Variants in TSC2 observed in about 807,000 individuals in gnomAD.
The protein encoded by TSC2 is tuberin.
TSC2 carries 29 observed loss-of-function variants against 202.2 expected under a neutral mutation model. That is an observed-to-expected ratio of 0.14 (90% CI 0.11 to 0.20). The LOEUF (loss-of-function observed/expected upper bound fraction) is 0.20. TSC2 is among the 10% of genes least tolerant of loss of function. The pLI is 1.00. For missense variants in TSC2, 2,429 were observed against 2,420.0 expected (o/e 1.00, Z -0.08); for synonymous variants, 1,349 against 1,044.0 (o/e 1.29, Z -5.63).
chr16:2,086,718 C>T lies in TSC2; in HGVS notation c.4850-14C>T, dbSNP rs397515189. 1 of 1,609,024 alleles carries T rather than the reference C, an allele frequency of 6.2e-7. No individual in the cohort carries two copies. Among genetic ancestry groups the T allele is most frequent in the Non-Finnish European group, 8.5e-7 (1 of 1,179,922 alleles). ...ACTGGCCCCACAAACCCATCCGGCC[C>T]TGCTCACCCTCAGCCGTCTTCCACA... is the stretch of plus-strand genomic sequence containing the variant. On this transcript the variant is annotated splice_polypyrimidine_tract_variant and intron_variant, in intron 37 of 41. Coordinates refer to ENST00000219476, the MANE Select transcript of TSC2 (RefSeq NM_000548.5).
chr16:2,048,819 G>C, intron 2 of TSC2, 66 bp downstream of exon 2: 1 of 1,610,136 alleles, frequency 6.2e-7, no homozygotes, highest in East Asian at 2.2e-5. Flanking sequence ...GTTTGGTCTT[G>C]CACCAGGTTC....
chr16:2,054,726 T>C, intron 5 of TSC2: 1 of 511,120 alleles, frequency 2.0e-6, no homozygotes, highest in Non-Finnish European at 3.6e-6. Context: ...GCGAGTTCTG[T>C]CACTGGGAGG....
chr16:2,070,861 C>G (rs535153488), intron 17 of TSC2, among the ~76,000 whole-genome samples: 3 of 152,194 alleles, frequency 2.0e-5, no homozygotes, highest in African/African-American at 7.2e-5. Context: ...ATGGCCCTGA[C>G]GCTCCTGGTG....
At chr16:2,048,143 G>A in intron 1 of TSC2, 78 bp downstream of exon 1, 2 of 1,526,290 alleles carry the variant, frequency 1.3e-6, no homozygotes, top group Non-Finnish European at 1.8e-6. Context: ...GCAGTGTCCG[G>A]GTCCCGGGCC....
chr16:2,053,532 C>A, intron 4 of TSC2, 80 bp downstream of exon 4: 2 of 1,395,500 alleles, frequency 1.4e-6, no homozygotes, highest in South Asian at 1.2e-5. Flanking sequence ...CGTGTTTGGA[C>A]TCCTGCCTCG....
chr16:2,085,153 C>G lies in TSC2; in HGVS notation c.4570-77C>G, dbSNP rs1484507233. On this transcript the variant is annotated intron_variant, in intron 35 of 41. Coordinates refer to ENST00000219476, the MANE Select transcript of TSC2 (RefSeq NM_000548.5). ...TCTGGCCTAAGCTCCCTGTGGCAGC[C>G]TGCCGTGACCGGCCTGGGTGGGGCG... 9 of 1,605,786 alleles carry G rather than the reference C, an allele frequency of 5.6e-6. No individual in the cohort carries two copies. In the East Asian group the frequency reaches 2.0e-4, roughly 36 times the overall value.
chr16:2,053,900 G>A (rs2085439884), intron 4 of TSC2: 1 of 448,660 alleles, frequency 2.2e-6, no homozygotes, highest in African/African-American at 2.0e-5. Flanking sequence ...ACTCCTTCAT[G>A]TCCCAGCTGC....
At chr16:2,076,710 A>G in intron 25 of TSC2, 125 bp downstream of exon 25, 1 of 995,996 alleles carries the variant, frequency 1.0e-6, no homozygotes, top group South Asian at 1.4e-5. Context: ...GGAGTATGTG[A>G]GGCAGGGCAG....
At chr16:2,063,932 G>A (rs1567436003) in intron 14 of TSC2, 2 of 422,196 alleles carry the variant, frequency 4.7e-6, no homozygotes, top group East Asian at 5.0e-5. Context: ...ACACCCTCAC[G>A]CACACACGCA....
intron 17 of TSC2, among the ~76,000 whole-genome samples, chr16:2,071,201 TGGG>T (rs1020586162): frequency 3.9e-5 from 6 of 152,276 alleles, no homozygotes; most frequent in South Asian, 4.1e-4. Flanking sequence ...TTCTGGCAGT[TGGG>T]GGCGTGTGGT....
At chr16:2,080,737 G>A (rs957257979) in intron 30 of TSC2, 6 of 278,246 alleles carry the variant, frequency 2.2e-5, no homozygotes, top group East Asian at 8.9e-5. Flanking sequence ...GCCCGCCTTG[G>A]CCTCCCAAAG....
At chr16:2,068,354 T>C (rs2087696517) in intron 16 of TSC2, among the ~76,000 whole-genome samples, 1 of 152,176 alleles carries the variant, frequency 6.6e-6, no homozygotes, top group African/African-American at 2.4e-5. Flanking sequence ...TTCATTTCTT[T>C]TGTTATAATT....
At chr16:2,065,487 C>G (rs781082592) in intron 15 of TSC2, 32 bp from the exon 16 acceptor site, 3 of 1,567,870 alleles carry the variant, frequency 1.9e-6, no homozygotes, top group Admixed American at 3.3e-5. Context: ...GAACCATGAG[C>G]CTGTGTGTAA....
intron 36 of TSC2, among the ~76,000 whole-genome samples, chr16:2,085,641 G>A (rs574188646): frequency 6.6e-6 from 1 of 152,300 alleles, no homozygotes; most frequent in East Asian, 1.9e-4. Context: ...GGCAGGGGGA[G>A]CCTGCATAAG....
rs1264774699 is a variant in TSC2 at position 2,084,440 on chromosome 16, CGTG to C, written c.4220_4222del (p.Val1407del). ...TCGGGGACCCTGGGGACAAGGCCGA[CGTG>C]GGCCGGCTGAGCCCTGAGGTTAAGG... On this transcript the variant is annotated inframe_deletion, in exon 34 of 42. Coordinates refer to ENST00000219476, the MANE Select transcript of TSC2 (RefSeq NM_000548.5). The C allele has an allele frequency of 1.9e-6, 3 of 1,609,510 alleles. No individual in the cohort carries two copies. The highest frequency in any genetic ancestry group is 2.2e-5 in the South Asian group (2 of 90,458).
chr16:2,081,386 C>T, intron 30 of TSC2: 1 of 656,314 alleles, frequency 1.5e-6, no homozygotes, highest in African/African-American at 1.8e-5. Flanking sequence ...TCTGAGGTGC[C>T]TGGCGGAGCC....
At position 2,070,486 on chromosome 16, in the gene TSC2, G is replaced by T; in HGVS notation, c.1747G>T (p.Ala583Ser). ...TKLYTLPASH[A>S]TRVYEMLVSH... ...GCTGTACACCCTGCCTGCAAGCCAC[G>T]CCACGCGTGTGTATGAGATGCTGGT... The change falls in exon 17 of 42, where the codon GCC becomes TCC. Residue 583 changes from alanine (A) to serine (S), a missense_variant. Transcript: ENST00000219476. 6.2e-7 allele frequency: 1 copy of T among 1,613,420 alleles called. No homozygotes were observed. Among genetic ancestry groups the T allele is most frequent in the Non-Finnish European group, 8.5e-7 (1 of 1,180,036 alleles).
Position 2,076,203 on chromosome 16 carries a change from C to T in TSC2, c.2742+33C>T, listed in dbSNP as rs368472733. 33 of 1,612,528 alleles carry T rather than the reference C, an allele frequency of 2.0e-5. No individual in the cohort carries two copies. Among genetic ancestry groups the T allele is most frequent in the East Asian group, 4.5e-5 (2 of 44,876 alleles). On this transcript the variant is annotated intron_variant, in intron 24 of 41. Coordinates refer to ENST00000219476, the MANE Select transcript of TSC2 (RefSeq NM_000548.5). ...CAGGGCCGGTGAAGGCTGTGTCTCT[C>T]GGTAGGCCAGGGCTTGCTTTGCCCT...
rs775111741 is a variant in TSC2, at chr16:2,072,226, C to A, written c.2098-15C>A. 8.7e-6 allele frequency: 14 copies of A among 1,613,800 alleles called. No homozygotes were observed. The highest frequency in any genetic ancestry group is 1.2e-5 in the Non-Finnish European group (14 of 1,180,050). ...GGTCCAGAAGGCCCTGTCCTGACGC[C>A]TCCTCTCCTCGCAGGAGTCTGACTG... On this transcript the variant is annotated splice_polypyrimidine_tract_variant and intron_variant, in intron 19 of 41. Coordinates refer to ENST00000219476, the MANE Select transcript of TSC2 (RefSeq NM_000548.5).
Sources: gnomAD v4.1 joint callset for allele counts (sites outside exome capture counted in the v4.1 genomes callset) on GRCh38, gnomAD v4.1.1 for gene constraint, MANE v1.5 for transcripts, NCBI Gene and HGNC (gene_info 2026-07-23, HGNC 2026-07-21) for gene names.